PHACTR1: variants seen among roughly 807,000 people sequenced by gnomAD.
PHACTR1 encodes the protein phosphatase and actin regulator 1.
A neutral mutation model predicts 69.2 loss-of-function variants in PHACTR1; 16 were observed. The observed-to-expected ratio is 0.23, with a 90% CI of 0.16 to 0.35. The LOEUF (loss-of-function observed/expected upper bound fraction) is 0.35, where lower values mean the gene tolerates loss of function less well. Among genes scored for constraint, PHACTR1 ranks in the 10% least tolerant of loss-of-function variants. The pLI, the probability that PHACTR1 is intolerant of heterozygous loss-of-function variation, is 1.00. For missense variants in PHACTR1, 510 were observed against 734.7 expected, an observed-to-expected ratio of 0.69 and a Z score of 3.54; for synonymous variants, 312 against 284.5, an observed-to-expected ratio of 1.10 and a Z score of -0.97.
At chr6:12,820,244 G>A (rs1025874343) in intron 4 of PHACTR1, among the ~76,000 whole-genome samples, 1 of 151,666 alleles carries the variant, frequency 6.6e-6, no homozygotes, top group African/African-American at 2.4e-5. Context: ...TGCGGTGGTG[G>A]GATCTCGGTT....
At chr6:13,038,488 TAAAAAAAAAA>T (rs34433834) in intron 4 of PHACTR1, among the ~76,000 whole-genome samples, 20 of 124,170 alleles carry the variant, frequency 1.6e-4, no homozygotes, top group African/African-American at 5.9e-4. Context: ...TTCAAGTGTT[TAAAAAAAAAA>T]AAAAAAAAAG....
At chr6:12,884,731 C>T (rs570971689) in intron 4 of PHACTR1, among the ~76,000 whole-genome samples, 7 of 152,052 alleles carry the variant, frequency 4.6e-5, no homozygotes, top group Non-Finnish European at 7.4e-5. Context: ...AAAATCATGG[C>T]AGGCATCAAT....
chr6:13,108,595 T>C (rs1816531745), intron 5 of PHACTR1, among the ~76,000 whole-genome samples: 1 of 152,128 alleles, frequency 6.6e-6, no homozygotes, highest in Admixed American at 6.6e-5. Context: ...CACATTATTA[T>C]GTAATGATAT....
At chr6:12,774,281 A>G (rs1031700030) in intron 4 of PHACTR1, among the ~76,000 whole-genome samples, 2 of 152,198 alleles carry the variant, frequency 1.3e-5, no homozygotes, top group African/African-American at 2.4e-5. Context: ...TGTCTTCTCA[A>G]CAGCACGGTA....
At chr6:12,916,739 A>C (rs1488242800) in intron 4 of PHACTR1, among the ~76,000 whole-genome samples, 1 of 152,188 alleles carries the variant, frequency 6.6e-6, no homozygotes, top group Non-Finnish European at 1.5e-5. Flanking sequence ...GGAGACAAAA[A>C]TAGATCAAAA....
chr6:13,230,566 AGG>A (rs1438600745), intron 10 of PHACTR1, among the ~76,000 whole-genome samples: 3 of 142,408 alleles, frequency 2.1e-5, no homozygotes, highest in Non-Finnish European at 4.7e-5. Context: ...AAAAAAAAAA[AGG>A]AAGAGACAAT....
At chr6:12,737,417 A>ACACG (rs1764417092) in intron 3 of PHACTR1, among the ~76,000 whole-genome samples, 1 of 151,596 alleles carries the variant, frequency 6.6e-6, no homozygotes, top group African/African-American at 2.4e-5. Context: ...ACACACACAC[A>ACACG]CACGCATGCA....
intron 4 of PHACTR1, among the ~76,000 whole-genome samples, chr6:12,825,938 G>T (rs1776757425): frequency 6.6e-6 from 1 of 152,112 alleles, no homozygotes; most frequent in Non-Finnish European, 1.5e-5. Context: ...AAACATTTAG[G>T]AGGGGACTTT....
intron 5 of PHACTR1, among the ~76,000 whole-genome samples, chr6:13,098,470 A>G (rs955212555): frequency 1.3e-5 from 2 of 152,142 alleles, no homozygotes; most frequent in African/African-American, 4.8e-5. Flanking sequence ...CTTGGCTTCA[A>G]CTATCATCTA....
chr6:13,158,477 C>A (rs182123656), intron 5 of PHACTR1, among the ~76,000 whole-genome samples: 2 of 152,192 alleles, frequency 1.3e-5, no homozygotes, highest in Non-Finnish European at 2.9e-5. Context: ...GTCAGCTCTA[C>A]GTGAGTGCAT....
intron 4 of PHACTR1, among the ~76,000 whole-genome samples, chr6:12,846,120 A>C (rs1779234064): frequency 6.6e-6 from 1 of 152,220 alleles, no homozygotes; most frequent in Non-Finnish European, 1.5e-5. Flanking sequence ...ACATAACATG[A>C]AGACTTTCGC....
At chr6:13,185,391 C>G (rs1762708227) in intron 7 of PHACTR1, among the ~76,000 whole-genome samples, 1 of 145,674 alleles carries the variant, frequency 6.9e-6, no homozygotes, top group Non-Finnish European at 1.5e-5. Flanking sequence ...AATTTTTTGT[C>G]TTTAAGTTAT....
At chr6:12,856,064 T>C (rs1780323091) in intron 4 of PHACTR1, among the ~76,000 whole-genome samples, 1 of 152,018 alleles carries the variant, frequency 6.6e-6, no homozygotes, top group South Asian at 2.1e-4. Flanking sequence ...TCTTTAATAA[T>C]GATGGTTTTA....
At chr6:12,896,741 G>T (rs1206942343) in intron 4 of PHACTR1, among the ~76,000 whole-genome samples, 1 of 152,184 alleles carries the variant, frequency 6.6e-6, no homozygotes, top group Non-Finnish European at 1.5e-5. Flanking sequence ...AAACTACAGT[G>T]AATTGACGGT....
At chr6:13,192,966 C>T (rs1381460683) in intron 7 of PHACTR1, among the ~76,000 whole-genome samples, 2 of 152,084 alleles carry the variant, frequency 1.3e-5, no homozygotes, top group Non-Finnish European at 1.5e-5. Context: ...ACCCTGATTC[C>T]CCTGTATTCT....
At chr6:13,183,536 C>A (rs193185305) in intron 7 of PHACTR1, among the ~76,000 whole-genome samples, 82 of 152,096 alleles carry the variant, frequency 5.4e-4, no homozygotes, top group Admixed American at 4.9e-3. Flanking sequence ...GCCACATTGA[C>A]AATAATAGTG....
chr6:12,915,332 C>T (rs191818474), intron 4 of PHACTR1, among the ~76,000 whole-genome samples: 2 of 152,088 alleles, frequency 1.3e-5, no homozygotes, highest in African/African-American at 4.8e-5. Context: ...CATGGCAAAA[C>T]CCTGTCTCTA....
intron 5 of PHACTR1, among the ~76,000 whole-genome samples, chr6:13,096,605 G>T (rs569060489): frequency 6.6e-6 from 1 of 152,274 alleles, no homozygotes; most frequent in South Asian, 2.1e-4. Flanking sequence ...GTAGGGAAAA[G>T]AACAAGTGCA....
intron 5 of PHACTR1, among the ~76,000 whole-genome samples, chr6:13,158,657 G>A (rs1274609203): frequency 6.6e-6 from 1 of 152,186 alleles, no homozygotes; most frequent in East Asian, 1.9e-4. Context: ...TCACAATGGA[G>A]ATGTCCTGGT....
Sources: allele counts gnomAD v4.1 joint callset (sites outside exome capture counted in the v4.1 genomes callset), GRCh38; gene constraint gnomAD v4.1.1; transcripts MANE v1.5; gene names NCBI Gene and HGNC (gene_info 2026-07-23, HGNC 2026-07-21).